The following CREB5 variants were observed in gnomAD, a reference collection of about 807,000 sequenced individuals.
The protein encoded by CREB5 is cAMP responsive element binding protein 5.
In CREB5, 19 loss-of-function variants were observed where a neutral mutation model predicts 57.1. The ratio of observed to expected loss-of-function variants is 0.33; its 90% confidence interval spans 0.23 to 0.49. CREB5 has a LOEUF of 0.49. Among genes scored for constraint, CREB5 ranks in the 20% least tolerant of loss-of-function variants. CREB5 has a pLI of 0.99. For synonymous variants in CREB5, 238 were observed against 238.3 expected (o/e 1.00, Z 0.01); for missense variants, 579 against 671.6 (o/e 0.86, Z 1.52).
intron 5 of CREB5, among the ~76,000 whole-genome samples, chr7:28,599,754 G>GTTTTGTTTTGT (rs3041154): frequency 0.13 from 18,863 of 148,790 alleles, 2,829 homozygotes; most frequent in African/African-American, 0.36. Flanking sequence ...GTTTTGTTTT[G>GTTTTGTTTTGT]TTTTTTTATT....
chr7:28,541,675 A>AAAC (rs1302051354), intron 4 of CREB5, among the ~76,000 whole-genome samples: 1 of 151,834 alleles, frequency 6.6e-6, no homozygotes, highest in Non-Finnish European at 1.5e-5. Flanking sequence ...ACAAACAAAC[A>AAAC]AACAACAACA....
rs192073735 is a variant in CREB5 at position 28,557,485 on chromosome 7, T to G, written c.292-12880T>G. The stretch of plus-strand genomic sequence containing the variant: ...ACCATTAGGTTTTCTGTGTGTGTGT[T>G]TTTTTTAATTCTTATTTGAAGAATA... On this transcript the variant is annotated intron_variant, in intron 4 of 10. Coordinates refer to ENST00000357727, the MANE Select transcript of CREB5 (RefSeq NM_182898.4). 7.2e-3 allele frequency among the ~76,000 whole-genome samples: 1,101 copies of G among 152,220 alleles called. 11 individuals carry two copies. Among genetic ancestry groups the G allele is most frequent in the African/African-American group, 0.025 (1,023 of 41,514 alleles).
chr7:28,487,327 C>T (rs1401028472), intron 1 of CREB5, among the ~76,000 whole-genome samples: 1 of 152,088 alleles, frequency 6.6e-6, no homozygotes, highest in Non-Finnish European at 1.5e-5. Context: ...TCCTCCTGCC[C>T]CAGCATCCCA....
At chr7:28,611,515 A>AT (rs1371167717) in intron 5 of CREB5, among the ~76,000 whole-genome samples, 1 of 147,712 alleles carries the variant, frequency 6.8e-6, no homozygotes, top group Admixed American at 6.8e-5. Flanking sequence ...AAAAAAAAAA[A>AT]ATTAGCTGGG....
At chr7:28,523,883 A>G (rs921447057) in intron 4 of CREB5, among the ~76,000 whole-genome samples, 1 of 152,046 alleles carries the variant, frequency 6.6e-6, no homozygotes, top group East Asian at 1.9e-4. Flanking sequence ...CTTATGGCAC[A>G]CCTCACCTCC....
intron 4 of CREB5, among the ~76,000 whole-genome samples, chr7:28,518,891 G>C (rs752102083): frequency 2.0e-5 from 3 of 151,944 alleles, no homozygotes; most frequent in Non-Finnish European, 4.4e-5. Flanking sequence ...AGTCACACAT[G>C]ACTTTATTTT....
rs540560520 is a variant in CREB5, at chr7:28,328,973, T to C, written c.-25+29532T>C. The stretch of plus-strand genomic sequence containing the variant: ...AAGCCAGTTGAATTTTGCCGGTGAC[T>C]TACCCTCTCCTTTCTGAGAGGTATG... On this transcript the variant is annotated intron_variant, in intron 1 of 9. Transcript: ENST00000396299. Among the ~76,000 whole-genome samples the C allele has an allele frequency of 8.5e-5, 13 of 152,352 alleles. 1 individual carries two copies. The South Asian group carries it at 2.7e-3, about 32-fold the overall frequency.
chr7:28,600,356 A>G (rs908020002), intron 5 of CREB5, among the ~76,000 whole-genome samples: 2 of 133,194 alleles, frequency 1.5e-5, no homozygotes, highest in East Asian at 4.3e-4. Flanking sequence ...CCTAAATTTA[A>G]TCAGAGCAGA....
At chr7:28,446,290 T>C (rs1197384439) in intron 1 of CREB5, among the ~76,000 whole-genome samples, 1 of 152,106 alleles carries the variant, frequency 6.6e-6, no homozygotes, top group Non-Finnish European at 1.5e-5. Flanking sequence ...GGAGCTAACT[T>C]GGTGGGATGA....
chr7:28,429,857 G>A (rs1788646676), intron 1 of CREB5, among the ~76,000 whole-genome samples: 1 of 152,176 alleles, frequency 6.6e-6, no homozygotes, highest in Non-Finnish European at 1.5e-5. Flanking sequence ...GCACAGGGAA[G>A]GGTTAGAGGC....
In CREB5 at chr7:28,594,208, T is replaced by A. The variant is rs1013274459; in HGVS notation, c.464+23671T>A. 3.2e-4 allele frequency among the ~76,000 whole-genome samples: 48 copies of A among 152,336 alleles called. 1 individual carries two copies. The highest frequency in any genetic ancestry group is 3.4e-3 in the Middle Eastern group (1 of 294). On this transcript the variant is annotated intron_variant, in intron 5 of 10. Transcript: ENST00000357727. Reference sequence around the variant, plus strand: ...GCAAAACTTAGAATTGTGAACCATATGTAAAAAGGGAAAGCTTATCACTGG... The same window carrying A: ...GCAAAACTTAGAATTGTGAACCATAAGTAAAAAGGGAAAGCTTATCACTGG...
chr7:28,464,709 T>TAA (rs199823251), intron 1 of CREB5, among the ~76,000 whole-genome samples: 1 of 149,996 alleles, frequency 6.7e-6, no homozygotes, highest in South Asian at 2.1e-4. Context: ...CAAGTTATTT[T>TAA]TAAAAAAAAA....
chr7:28,413,118 G>A (rs532765704), intron 1 of CREB5, among the ~76,000 whole-genome samples: 69 of 151,958 alleles, frequency 4.5e-4, no homozygotes, highest in Middle Eastern at 3.4e-3. Context: ...GTGTGTGTGT[G>A]TGTGTGTGAA....
chr7:28,416,422 G>T (rs556504048), intron 1 of CREB5, among the ~76,000 whole-genome samples: 1 of 152,322 alleles, frequency 6.6e-6, no homozygotes, highest in Admixed American at 6.5e-5. Context: ...TGCCAGATCT[G>T]GTAGGACCAT....
intron 5 of CREB5, among the ~76,000 whole-genome samples, chr7:28,608,709 T>C (rs1797273453): frequency 6.6e-6 from 1 of 152,192 alleles, no homozygotes; most frequent in African/African-American, 2.4e-5. Context: ...ATCATTACCA[T>C]ACAAAACCAG....
chr7:28,801,586 T>A (rs1307198470), intron 7 of CREB5, among the ~76,000 whole-genome samples: 1 of 152,156 alleles, frequency 6.6e-6, no homozygotes, highest in Non-Finnish European at 1.5e-5. Context: ...ACAAAATTAT[T>A]CTAGTTATTC....
chr7:28,675,422 GT>G (rs1238449918), intron 5 of CREB5, among the ~76,000 whole-genome samples: 5 of 152,052 alleles, frequency 3.3e-5, no homozygotes, highest in Non-Finnish European at 5.9e-5. Flanking sequence ...TATGACTTTG[GT>G]TTTCCCTGCG....
In CREB5 at chr7:28,355,893, A is replaced by G. The variant is rs557913321; in HGVS notation, c.-25+56452A>G. Reference sequence around the variant, plus strand: ...CCCTGAGTGCCAGGCCCACTGCAATAACACTTTTTAATGCTACTTTCTGAA... The same window carrying G: ...CCCTGAGTGCCAGGCCCACTGCAATGACACTTTTTAATGCTACTTTCTGAA... On this transcript the variant is annotated intron_variant, in intron 1 of 9. Coordinates refer to the CREB5 transcript ENST00000396299. Among the ~76,000 whole-genome samples the G allele has an allele frequency of 5.5e-4, 84 of 152,338 alleles. 2 individuals carry two copies. In the South Asian group the frequency reaches 0.013, roughly 23 times the overall value.
intron 7 of CREB5, among the ~76,000 whole-genome samples, chr7:28,727,407 T>C (rs957061257): frequency 6.6e-6 from 1 of 152,018 alleles, no homozygotes; most frequent in African/African-American, 2.4e-5. Flanking sequence ...TAGAAAGAAA[T>C]TCACTGATAG....
Sources: gnomAD v4.1 joint callset for allele counts (sites outside exome capture counted in the v4.1 genomes callset) on GRCh38, gnomAD v4.1.1 for gene constraint, MANE v1.5 for transcripts, NCBI Gene and HGNC (gene_info 2026-07-23, HGNC 2026-07-21) for gene names.